Variants in TSPO observed in about 807,000 individuals in gnomAD.
The protein encoded by TSPO is translocator protein, also known as benzodiazepine peripheral binding site.
TSPO carries 14 observed loss-of-function variants against 13.9 expected under a neutral mutation model. That is an observed-to-expected ratio of 1.01 (90% CI 0.67 to 1.58). The LOEUF (loss-of-function observed/expected upper bound fraction) is 1.58, where lower values mean the gene tolerates loss of function less well. TSPO is among the 40% of genes most tolerant of loss of function. The probability of loss-of-function intolerance (pLI) is 0.00; values close to 1 mark genes in which losing one functional copy is unlikely to be tolerated. For synonymous variants in TSPO, 114 were observed against 105.9 expected (o/e 1.08, Z -0.47); for missense variants, 232 against 229.6 (o/e 1.01, Z -0.07).
intron 1 of TSPO, among the ~76,000 whole-genome samples, chr22:43,153,818 C>A (rs1320616999): frequency 6.6e-6 from 1 of 151,934 alleles, no homozygotes; most frequent in African/African-American, 2.4e-5. Context: ...GTGTCTCGCT[C>A]CATTGCCCAG....
Position 43,157,101 on chromosome 22 carries a change from G to A in TSPO, c.-29-2109G>A, listed in dbSNP as rs373940943. ...ACCTGAGAGGATGTAGTGGGAGGCT[G>A]AGCTGGGAGGTGGTCCCAGGGCTGT... is the stretch of plus-strand genomic sequence containing the variant. On this transcript the variant is annotated intron_variant, in intron 1 of 3. Coordinates refer to ENST00000337554, the MANE Select transcript of TSPO (RefSeq NM_000714.6). Among the ~76,000 whole-genome samples, 73 of 152,330 alleles carry A rather than the reference G, an allele frequency of 4.8e-4. 1 individual carries two copies. Among genetic ancestry groups the A allele is most frequent in the African/African-American group, 1.6e-3 (68 of 41,580 alleles).
chr22:43,151,924 C>A (rs1301271035), intron 1 of TSPO: 1 of 152,242 alleles, frequency 6.6e-6, no homozygotes, highest in African/African-American at 2.4e-5. Context: ...CAGGAGTGGC[C>A]GACGCTCCCT....
At chr22:43,161,028 T>C (rs768899649) in intron 2 of TSPO, 24 bp from the exon 3 acceptor site, 3 of 1,606,548 alleles carry the variant, frequency 1.9e-6, no homozygotes, top group Admixed American at 3.4e-5. Flanking sequence ...CTAATGGTGC[T>C]CTGAACTGCG....
chr22:43,152,421 G>A (rs1013292632), intron 1 of TSPO, among the ~76,000 whole-genome samples: 2 of 152,282 alleles, frequency 1.3e-5, no homozygotes, highest in African/African-American at 4.8e-5. Flanking sequence ...GGCAGGGCGA[G>A]GATATCAGGG....
In TSPO at chr22:43,163,009, G is replaced by C. The variant is rs1280599172; in HGVS notation, c.*18G>C. 1.3e-6 allele frequency: 2 copies of C among 1,577,852 alleles called. No individual in the cohort carries two copies. Among genetic ancestry groups the C allele is most frequent in the South Asian group, 1.2e-5 (1 of 86,454 alleles). The stretch of plus-strand genomic sequence containing the variant: ...CAGAGTGAGTGCCCGGCCCACCAGG[G>C]ACTGCAGCTGCACCAGCAGGTGCCA... On this transcript the variant is annotated 3_prime_UTR_variant, in exon 4 of 4. Transcript: ENST00000337554.
intron 1 of TSPO, among the ~76,000 whole-genome samples, chr22:43,153,602 C>T (rs1931160467): frequency 2.0e-5 from 2 of 97,772 alleles, no homozygotes; most frequent in African/African-American, 3.2e-5. Flanking sequence ...CCACCCGCCT[C>T]GGCCTCCCAA....
intron 3 of TSPO, among the ~76,000 whole-genome samples, chr22:43,161,612 C>T (rs142037853): frequency 5.4e-4 from 82 of 152,006 alleles, no homozygotes; most frequent in Non-Finnish European, 2.2e-4. Flanking sequence ...CTCAGCCTCC[C>T]GAGTAGCTGG....
At chr22:43,159,944 G>C (rs1182804282) in intron 2 of TSPO, among the ~76,000 whole-genome samples, 1 of 152,186 alleles carries the variant, frequency 6.6e-6, no homozygotes, top group Non-Finnish European at 1.5e-5. Context: ...GACGTGCTGG[G>C]AGGGGCAGGG....
chr22:43,159,133 C>T (rs1229749338), intron 1 of TSPO, 77 bp from the exon 2 acceptor site: 25 of 1,198,182 alleles, frequency 2.1e-5, no homozygotes, highest in South Asian at 5.3e-5. Flanking sequence ...ACAGGCCTTT[C>T]GGGGATGCTG....
At chr22:43,156,545 G>A (rs1355608785) in intron 1 of TSPO, among the ~76,000 whole-genome samples, 1 of 152,012 alleles carries the variant, frequency 6.6e-6, no homozygotes, top group Non-Finnish European at 1.5e-5. Flanking sequence ...GGGGTGGGAG[G>A]GAGGGGGAGG....
chr22:43,154,876 C>G (rs1034875886), intron 1 of TSPO, among the ~76,000 whole-genome samples: 3 of 152,038 alleles, frequency 2.0e-5, no homozygotes, highest in Admixed American at 6.6e-5. Flanking sequence ...CTGCAGGGCC[C>G]GATGCTCTGT....
Position 43,159,360 on chromosome 22 carries a change from C to A in TSPO, c.122C>A (p.Ser41Ter). ...TGGTACGCCGGCCTGCAGAAGCCCT[C>A]GTGGCACCCGCCCCACTGGGTGCTG... Reference protein sequence around the residue: ...LRWYAGLQKPSWHPPHWVLGP... With the variant: ...LRWYAGLQKP The change falls in exon 2 of 4, where the codon TCG becomes TAG. Residue 41 changes from serine to a stop codon, truncating the protein, a stop_gained. Coordinates refer to ENST00000337554, the MANE Select transcript of TSPO (RefSeq NM_000714.6). LOFTEE classifies it high-confidence loss of function. 6.5e-7 allele frequency: 1 copy of A among 1,545,552 alleles called. No homozygotes were observed. The highest frequency in any genetic ancestry group is 1.4e-5 in the African/African-American group (1 of 73,086).
intron 1 of TSPO, among the ~76,000 whole-genome samples, chr22:43,158,666 T>G (rs1931331762): frequency 6.6e-6 from 1 of 152,140 alleles, no homozygotes; most frequent in South Asian, 2.1e-4. Context: ...TGCACTGAGC[T>G]GTGCTCAAGG....
chr22:43,152,675 C>A (rs1601752220), intron 1 of TSPO, among the ~76,000 whole-genome samples: 1 of 152,260 alleles, frequency 6.6e-6, no homozygotes, highest in African/African-American at 2.4e-5. Flanking sequence ...CTGCTGGCAG[C>A]CCCACAGGGA....
At chr22:43,161,331 C>A in intron 3 of TSPO, 141 bp downstream of exon 3, 2 of 1,265,102 alleles carry the variant, frequency 1.6e-6, no homozygotes, top group Non-Finnish European at 2.1e-6. Context: ...TGTAAGCAGC[C>A]CACACCCTGG....
At chr22:43,155,176 C>G (rs1299872930) in intron 1 of TSPO, among the ~76,000 whole-genome samples, 2 of 152,172 alleles carry the variant, frequency 1.3e-5, no homozygotes, top group African/African-American at 4.8e-5. Context: ...CTTCTCATGT[C>G]TCAGTTTCCT....
chr22:43,160,964 C>T (rs768771280), intron 2 of TSPO, 88 bp from the exon 3 acceptor site: 397 of 1,487,708 alleles, frequency 2.7e-4, no homozygotes, highest in Non-Finnish European at 3.4e-4. Flanking sequence ...TGTCAGGTCA[C>T]GTATGAACCA....
chr22:43,155,065 T>A (rs1228416296), intron 1 of TSPO, among the ~76,000 whole-genome samples: 7 of 148,870 alleles, frequency 4.7e-5, no homozygotes, highest in African/African-American at 1.7e-4. Context: ...ACACAACTCC[T>A]GGCAAGTGGT....
At chr22:43,161,006 C>G in intron 2 of TSPO, 46 bp from the exon 3 acceptor site, 1 of 1,582,914 alleles carries the variant, frequency 6.3e-7, no homozygotes, top group Non-Finnish European at 8.6e-7. Flanking sequence ...GGCAACGCTC[C>G]TGGCCTTGTT....
Sources: gnomAD v4.1 joint callset for allele counts (sites outside exome capture counted in the v4.1 genomes callset) on GRCh38, gnomAD v4.1.1 for gene constraint, MANE v1.5 for transcripts, NCBI Gene and HGNC (gene_info 2026-07-23, HGNC 2026-07-21) for gene names.